The following HOXB6 variants were observed in gnomAD, a reference collection of about 807,000 sequenced individuals.
HOXB6 encodes the protein homeobox protein Hox-B6.
In HOXB6, 18 loss-of-function variants were observed where a neutral mutation model predicts 24.2. The observed-to-expected ratio is 0.74, with a 90% CI of 0.51 to 1.10. The LOEUF (loss-of-function observed/expected upper bound fraction) is 1.10. HOXB6 is among the 50% of genes least tolerant of loss of function. The pLI, the probability that HOXB6 is intolerant of heterozygous loss-of-function variation, is 0.00. For synonymous variants in HOXB6, 159 were observed against 139.1 expected, an observed-to-expected ratio of 1.14 and a Z score of -1.01; for missense variants, 332 against 308.3, an observed-to-expected ratio of 1.08 and a Z score of -0.58.
intron 2 of HOXB6, among the ~76,000 whole-genome samples, chr17:48,599,449 G>T (rs868737991): frequency 3.3e-5 from 5 of 152,172 alleles, no homozygotes; most frequent in African/African-American, 1.2e-4. Flanking sequence ...CCCAAGACTT[G>T]GTTTTTGCTT....
chr17:48,602,077 A>C lies in HOXB6; in HGVS notation c.-79+2403T>G, dbSNP rs115157579. ...AATTTTTCCCAAATCATATTTAGGTAGACTTCGCTTGAAAAGATCGAGAAT... is the reference window on the plus strand; with the variant it reads ...AATTTTTCCCAAATCATATTTAGGTCGACTTCGCTTGAAAAGATCGAGAAT... On this transcript the variant is annotated intron_variant, in intron 2 of 3. Transcript: ENST00000225648. 2,927 of 455,978 alleles carry C rather than the reference A, an allele frequency of 6.4e-3. 91 individuals carry two copies. The highest frequency in any genetic ancestry group is 0.053 in the African/African-American group (2,659 of 50,182). The allele number at this position is 455,978 out of a possible 1,614,324, so 28.2% of individuals were successfully genotyped here.
chr17:48,601,183 A>G (rs1306434714), intron 2 of HOXB6, among the ~76,000 whole-genome samples: 1 of 152,088 alleles, frequency 6.6e-6, no homozygotes, highest in African/African-American at 2.4e-5. Context: ...TTTCAACTCA[A>G]TTCTCGTCCT....
chr17:48,602,943 T>C (rs951432927), intron 2 of HOXB6, among the ~76,000 whole-genome samples: 1 of 152,216 alleles, frequency 6.6e-6, no homozygotes, highest in Non-Finnish European at 1.5e-5. Context: ...CAGCGGTCCC[T>C]CCAGGCGCCC....
Position 48,597,102 on chromosome 17 carries a change from A to G in HOXB6, c.416-430T>C, listed in dbSNP as rs192835200. The stretch of plus-strand genomic sequence containing the variant: ...GGCTCCTCACTTTCGAGTCCGGCTA[A>G]TGGACATCAGTTGGGACTTAAGGCC... On this transcript the variant is annotated intron_variant, in intron 3 of 3. Transcript: ENST00000225648. 7 of 1,093,148 alleles carry G rather than the reference A, an allele frequency of 6.4e-6. No individual in the cohort carries two copies. The African/African-American group carries it at 1.2e-4, about 18-fold the overall frequency. The allele number at this position is 1,093,148 out of a possible 1,614,324, so 67.7% of individuals were successfully genotyped here.
At chr17:48,599,669 A>G (rs2070409323) in intron 2 of HOXB6, among the ~76,000 whole-genome samples, 1 of 152,216 alleles carries the variant, frequency 6.6e-6, no homozygotes, top group African/African-American at 2.4e-5. Flanking sequence ...CATCCAAGGA[A>G]AATAAGCATT....
rs1382139362 is a variant in HOXB6, at chr17:48,598,130, G to A, written c.21C>T (p.Asn7=). The A allele has an allele frequency of 4.4e-6, 7 of 1,592,458 alleles. No homozygotes were observed. Among genetic ancestry groups the A allele is most frequent in the Non-Finnish European group, 8.6e-7 (1 of 1,165,394 alleles). Residue 7 remains asparagine (N), a synonymous_variant, in exon 3 of 4, where the codon AAC becomes AAT. Transcript: ENST00000225648. MSSYFV[N]STFPVTLASG... ...TGGCCAGAGTGACGGGGAAGGTGGA[G>A]TTCACGAAATAGGAACTCATTGGGA...
At chr17:48,599,306 ATTC>A (rs1184298233) in intron 2 of HOXB6, among the ~76,000 whole-genome samples, 2 of 152,210 alleles carry the variant, frequency 1.3e-5, no homozygotes, top group African/African-American at 4.8e-5. Context: ...GGAAGAAATC[ATTC>A]TTCTTCCAGT....
In HOXB6 at chr17:48,596,829, G is replaced by T; in HGVS notation, c.416-157C>A. On this transcript the variant is annotated intron_variant, in intron 3 of 3. Coordinates refer to ENST00000225648, the MANE Select transcript of HOXB6 (RefSeq NM_018952.5). The surrounding 1 kb of genome is among the most constrained non-coding windows in gnomAD (Gnocchi z 4.8). The stretch of plus-strand genomic sequence containing the variant: ...TCGCACTCCTCCAGCGCCCCCTCCA[G>T]ATTCCCTCCTAGTCTCCTAGGCCTG... The T allele has an allele frequency of 2.3e-6, 3 of 1,331,012 alleles. No individual in the cohort carries two copies. The highest frequency in any genetic ancestry group is 4.8e-4 in the Middle Eastern group (2 of 4,204). The allele number at this position is 1,331,012 out of a possible 1,614,324, so 82.5% of individuals were successfully genotyped here. A position where few individuals can be genotyped will look rare whatever the true frequency, so the allele number is the denominator to read the frequency against.
chr17:48,598,226 C>T lies in HOXB6; in HGVS notation c.-76G>A. 1 of 1,419,562 alleles carries T rather than the reference C, an allele frequency of 7.0e-7. No homozygotes were observed. Among genetic ancestry groups the T allele is most frequent in the Non-Finnish European group, 9.4e-7 (1 of 1,069,188 alleles). 87.9% of individuals were successfully genotyped at this position (1,419,562 alleles called of 1,614,324 possible). On this transcript the variant is annotated splice_region_variant and 5_prime_UTR_variant, in exon 3 of 4. Transcript: ENST00000225648. ...GTTGTGTTTTATAGTCCGAGCGCCGCGCCTATTAGTAGTATATCCGAGATT... is the reference window on the plus strand; with the variant it reads ...GTTGTGTTTTATAGTCCGAGCGCCGTGCCTATTAGTAGTATATCCGAGATT...
At chr17:48,604,665 G>A (rs1239485250) in intron 1 of HOXB6, 50 bp from the exon 2 acceptor site, 1 of 152,426 alleles carries the variant, frequency 6.6e-6, no homozygotes, top group African/African-American at 2.4e-5. Context: ...AGAAAATGGA[G>A]TAAGTTCTGG....
At chr17:48,597,664 G>C in intron 3 of HOXB6, 72 bp downstream of exon 3, 2 of 1,494,038 alleles carry the variant, frequency 1.3e-6, no homozygotes, top group Non-Finnish European at 1.8e-6. Flanking sequence ...GGCAGGGGGC[G>C]CTCACTAGTT....
chr17:48,600,390 G>A (rs1462683518), intron 2 of HOXB6: 5 of 447,820 alleles, frequency 1.1e-5, no homozygotes, highest in African/African-American at 1.0e-4. Context: ...TCAGAAGCAG[G>A]GAAATAATTG....
At chr17:48,597,280 AAC>A (rs1240728456) in intron 3 of HOXB6, 10 of 221,806 alleles carry the variant, frequency 4.5e-5, no homozygotes, top group Admixed American at 2.6e-4. Flanking sequence ...CCCACAGGGA[AAC>A]ACAGTCCCAG....
intron 2 of HOXB6, among the ~76,000 whole-genome samples, chr17:48,599,171 TTGTC>T (rs2070395939): frequency 6.6e-6 from 1 of 152,138 alleles, no homozygotes; most frequent in Non-Finnish European, 1.5e-5. Context: ...GTGGCTTTAT[TTGTC>T]TGATCCCTAT....
At chr17:48,602,374 C>G in intron 2 of HOXB6, 1 of 366,998 alleles carries the variant, frequency 2.7e-6, no homozygotes. Flanking sequence ...TCTCCCGCGC[C>G]TTGGTGGGGT....
At chr17:48,604,076 G>A (rs1400513188) in intron 2 of HOXB6, 1 of 152,782 alleles carries the variant, frequency 6.5e-6, no homozygotes, top group Non-Finnish European at 1.5e-5. Context: ...GCAATAGCCA[G>A]AGGCCGAGAC....
At chr17:48,600,760 A>G (rs2070441452) in intron 2 of HOXB6, among the ~76,000 whole-genome samples, 2 of 152,138 alleles carry the variant, frequency 1.3e-5, no homozygotes, top group African/African-American at 4.8e-5. Context: ...TGCCTCAATG[A>G]GGAAGTGTGT....
chr17:48,604,423 C>T (rs2070536945), intron 2 of HOXB6, 57 bp downstream of exon 2: 1 of 152,496 alleles, frequency 6.6e-6, no homozygotes, highest in Admixed American at 6.5e-5. Flanking sequence ...AAGCCCCACC[C>T]CCACCCTACA....
chr17:48,604,168 A>T (rs1307021230), intron 2 of HOXB6: 1 of 152,698 alleles, frequency 6.5e-6, no homozygotes, highest in Non-Finnish European at 1.5e-5. Context: ...TGAAGCCCAG[A>T]TACCCCCCAT....
Sources: allele counts gnomAD v4.1 joint callset (sites outside exome capture counted in the v4.1 genomes callset), GRCh38; gene constraint gnomAD v4.1.1; non-coding constraint Gnocchi (gnomAD v3.1); transcripts MANE v1.5; gene names NCBI Gene and HGNC (gene_info 2026-07-23, HGNC 2026-07-21).